The following FRMPD4 variants were observed in gnomAD, a reference collection of about 807,000 sequenced individuals.
FRMPD4 encodes FERM and PDZ domain containing 4.
FRMPD4 carries 22 observed loss-of-function variants against 94.1 expected under a neutral mutation model. That is an observed-to-expected ratio of 0.23 (90% CI 0.17 to 0.33). The LOEUF (loss-of-function observed/expected upper bound fraction) is 0.33, where lower values mean the gene tolerates loss of function less well. Ranked by LOEUF, FRMPD4 falls within the 10% of genes least tolerant of loss-of-function variation. FRMPD4 has a pLI of 1.00. For missense variants in FRMPD4, 1,111 were observed against 1,339.9 expected, an observed-to-expected ratio of 0.83 and a Z score of 2.67; for synonymous variants, 631 against 548.6, an observed-to-expected ratio of 1.15 and a Z score of -2.10.
intron 14 of FRMPD4, among the ~76,000 whole-genome samples, chrX:12,711,779 T>G (rs1602361405): frequency 1.1e-5 from 1 of 89,443 alleles, no homozygotes; most frequent in African/African-American, 4.3e-5. Context: ...CCGCCCCAAG[T>G]CCCCGGCATT....
At chrX:12,504,251 G>C (rs1361813609) in intron 2 of FRMPD4, among the ~76,000 whole-genome samples, 1 of 112,938 alleles carries the variant, frequency 8.9e-6, no homozygotes, top group Non-Finnish European at 1.9e-5. Flanking sequence ...AGCATCCAAA[G>C]AGTTAATAAC....
rs758554180 is a variant in FRMPD4 at position 12,701,870 on chromosome X, G to T, written c.934-4G>T. On this transcript the variant is annotated splice_polypyrimidine_tract_variant and splice_region_variant and intron_variant, in intron 9 of 16. Transcript: ENST00000675598. ...AGCTGTGCCCCCTGCTGGTCTCTTC[G>T]CAGAGTTGTAACGATGTGGTTCAGG... 9.1e-6 allele frequency: 11 copies of T among 1,210,670 alleles called. No individual in the cohort carries two copies. Among genetic ancestry groups the T allele is most frequent in the Non-Finnish European group, 1.2e-5 (11 of 894,496 alleles).
intron 3 of FRMPD4, among the ~76,000 whole-genome samples, chrX:12,063,064 C>A (rs927827243): frequency 8.9e-6 from 1 of 111,921 alleles, no homozygotes; most frequent in Non-Finnish European, 1.9e-5. Flanking sequence ...TTCTGGTAGA[C>A]CTCTTTATTC....
intron 2 of FRMPD4, among the ~76,000 whole-genome samples, chrX:12,517,469 C>T (rs1323425384): frequency 9.5e-6 from 1 of 105,587 alleles, no homozygotes; most frequent in African/African-American, 3.5e-5. Flanking sequence ...CGTAGGGTTG[C>T]CATGGTTTGC....
chrX:12,032,302 C>G (rs2054696654), intron 3 of FRMPD4, among the ~76,000 whole-genome samples: 1 of 111,584 alleles, frequency 9.0e-6, no homozygotes, highest in Non-Finnish European at 1.9e-5. Context: ...AGGAGTTTGC[C>G]AAGGGAATGG....
chrX:12,138,936 C>A lies in FRMPD4; in HGVS notation c.-36C>A. On this transcript the variant is annotated 5_prime_UTR_variant, in exon 1 of 17. Transcript: ENST00000675598. ...CTGTTGCTGGCGTGAGAAGGGGCGA[C>A]GGAGTTGTCGCGCTCGGGGGTCCCC... The A allele has an allele frequency of 8.9e-7, 1 of 1,118,812 alleles. No individual in the cohort carries two copies. The highest frequency in any genetic ancestry group is 1.2e-6 in the Non-Finnish European group (1 of 842,080). 92.2% of individuals were successfully genotyped at this position (1,118,812 alleles called of 1,213,427 possible).
chrX:12,510,633 C>G (rs1047691052), intron 2 of FRMPD4, among the ~76,000 whole-genome samples: 2 of 111,984 alleles, frequency 1.8e-5, no homozygotes, highest in African/African-American at 6.5e-5. Flanking sequence ...AGCATCTAGA[C>G]CAATGTAAAA....
intron 5 of FRMPD4, among the ~76,000 whole-genome samples, chrX:12,680,532 T>C (rs2059960252): frequency 8.9e-6 from 1 of 112,478 alleles, no homozygotes; most frequent in South Asian, 3.7e-4. Context: ...GGAGAGCCTA[T>C]GTAGTTGTTA....
At chrX:12,335,072 A>G (rs935902589) in intron 1 of FRMPD4, among the ~76,000 whole-genome samples, 8 of 111,161 alleles carry the variant, frequency 7.2e-5, no homozygotes, top group African/African-American at 2.6e-4. Context: ...TTTCCTGGGG[A>G]AAGCACTGCA....
intron 1 of FRMPD4, among the ~76,000 whole-genome samples, chrX:12,346,942 T>C (rs1260231831): frequency 8.9e-6 from 1 of 111,847 alleles, no homozygotes; most frequent in Admixed American, 9.5e-5. Context: ...TTAACATGAG[T>C]AATATTTTTC....
intron 9 of FRMPD4, among the ~76,000 whole-genome samples, chrX:12,696,025 C>T (rs2060124937): frequency 8.9e-6 from 1 of 112,367 alleles, no homozygotes. Context: ...CGTGAGCCAC[C>T]GCGCCCAGCC....
At chrX:12,240,344 AGTT>A (rs750732783) in intron 1 of FRMPD4, among the ~76,000 whole-genome samples, 1 of 112,391 alleles carries the variant, frequency 8.9e-6, no homozygotes, top group East Asian at 2.8e-4. Flanking sequence ...CTGCCTTCAC[AGTT>A]GGCTGGAACT....
chrX:12,702,380 A>C (rs1165563284), intron 10 of FRMPD4, among the ~76,000 whole-genome samples: 1 of 112,128 alleles, frequency 8.9e-6, no homozygotes, highest in South Asian at 3.7e-4. Flanking sequence ...AAACCGAGTC[A>C]TAGAATAACT....
chrX:12,471,095 A>G lies in FRMPD4; in HGVS notation c.42-27585A>G, dbSNP rs1220150149. On this transcript the variant is annotated intron_variant, in intron 1 of 16. Transcript: ENST00000675598. The stretch of plus-strand genomic sequence containing the variant: ...CATTAAATAAGCTGCTGTTCTCCCA[A>G]TGGACAGCATTCAAATCAGCACCTA... 2.7e-5 allele frequency among the ~76,000 whole-genome samples: 3 copies of G among 112,155 alleles called. No individual in the cohort carries two copies. In the South Asian group the frequency reaches 1.1e-3, roughly 42 times the overall value.
intron 3 of FRMPD4, among the ~76,000 whole-genome samples, chrX:11,916,216 C>G (rs1180844660): frequency 4.5e-5 from 5 of 111,200 alleles, no homozygotes; most frequent in Admixed American, 1.9e-4. Context: ...GCAAATCACC[C>G]CATTTGTCTG....
chrX:12,127,526 T>C (rs2055510713), intron 3 of FRMPD4, among the ~76,000 whole-genome samples: 1 of 111,458 alleles, frequency 9.0e-6, no homozygotes, highest in Admixed American at 9.5e-5. Context: ...CCACCACAGG[T>C]GGGGATTATG....
At chrX:11,827,593 G>A (rs1032064761) in intron 1 of FRMPD4, among the ~76,000 whole-genome samples, 3 of 111,214 alleles carry the variant, frequency 2.7e-5, no homozygotes, top group Admixed American at 9.6e-5. Flanking sequence ...TTGTCTGTTC[G>A]TACTTCCAAT....
intron 7 of FRMPD4, among the ~76,000 whole-genome samples, chrX:12,689,159 C>T (rs1602326835): frequency 9.0e-6 from 1 of 111,291 alleles, no homozygotes; most frequent in Non-Finnish European, 1.9e-5. Flanking sequence ...AAATTATCTT[C>T]GAGGGATCAT....
At chrX:12,263,920 A>G (rs935449501) in intron 1 of FRMPD4, among the ~76,000 whole-genome samples, 1 of 111,714 alleles carries the variant, frequency 9.0e-6, no homozygotes, top group African/African-American at 3.3e-5. Flanking sequence ...AGTGAGAAAG[A>G]GATAGAACCC....
Sources: gnomAD v4.1 joint callset for allele counts (sites outside exome capture counted in the v4.1 genomes callset) on GRCh38, gnomAD v4.1.1 for gene constraint, MANE v1.5 for transcripts, NCBI Gene and HGNC (gene_info 2026-07-23, HGNC 2026-07-21) for gene names.